The following PSPC1 variants were observed in gnomAD, a reference collection of about 807,000 sequenced individuals.
PSPC1 encodes paraspeckle protein 1.
Under a neutral mutation model 51.6 loss-of-function variants are expected in PSPC1, and 14 were observed. That is an observed-to-expected ratio of 0.27 (90% CI 0.18 to 0.42). PSPC1 has a LOEUF of 0.42. Among genes scored for constraint, PSPC1 ranks in the 10% least tolerant of loss-of-function variants. PSPC1 has a pLI of 1.00. For missense variants in PSPC1, 406 were observed against 701.1 expected (o/e 0.58, Z 4.75); for synonymous variants, 193 against 231.9 (o/e 0.83, Z 1.53).
In PSPC1 at chr13:19,696,521, A is replaced by G. The variant is rs191227031; in HGVS notation, c.1159-18698T>C. Among the ~76,000 whole-genome samples, 187 of 151,662 alleles carry G rather than the reference A, an allele frequency of 1.2e-3. 4 individuals are homozygous for G. The East Asian group carries it at 0.025, about 20-fold the overall frequency. On this transcript the variant is annotated intron_variant and NMD_transcript_variant, in intron 6 of 7. Coordinates refer to the PSPC1 transcript ENST00000471658. ...CACGCACACACACACACACATACGC[A>G]CACACACACACATATCTGACGCTAC...
chr13:19,725,156 G>A (rs1014280449), intron 6 of PSPC1, among the ~76,000 whole-genome samples: 15 of 152,132 alleles, frequency 9.9e-5, no homozygotes, highest in African/African-American at 3.4e-4. Flanking sequence ...CAGCCTAAGC[G>A]ACAGAGCAAG....
At chr13:19,681,570 G>T (rs1176544280) in intron 6 of PSPC1, among the ~76,000 whole-genome samples, 2 of 152,156 alleles carry the variant, frequency 1.3e-5, no homozygotes, top group African/African-American at 2.4e-5. Flanking sequence ...TGCCTAAAAG[G>T]CAAGGATTTC....
intron 2 of PSPC1, among the ~76,000 whole-genome samples, chr13:19,771,074 G>C (rs570098773): frequency 1.3e-5 from 2 of 151,962 alleles, no homozygotes; most frequent in East Asian, 3.9e-4. Flanking sequence ...GGACTACAGC[G>C]CAAATAGCTG....
chr13:19,708,904 T>C (rs949887964), intron 7 of PSPC1, among the ~76,000 whole-genome samples: 35 of 152,102 alleles, frequency 2.3e-4, no homozygotes, highest in African/African-American at 8.4e-4. Context: ...GGCTCATGCC[T>C]GGAATATCAG....
Position 19,782,347 on chromosome 13 carries a change from C to A in PSPC1, c.372+39G>T. 6.5e-7 allele frequency: 1 copy of A among 1,537,404 alleles called. No homozygotes were observed. ...CCCCACGACCCCGCGGCCACCCCGA[C>A]AGTCCTTTTGTTCCCTCGCGCGGGC... On this transcript the variant is annotated intron_variant, in intron 1 of 8. Transcript: ENST00000338910. This position sits in a 1 kb window ranked among gnomAD's most constrained non-coding sequence, Gnocchi z 4.5.
chr13:19,756,202 C>T (rs561321532), intron 3 of PSPC1, among the ~76,000 whole-genome samples: 1 of 152,254 alleles, frequency 6.6e-6, no homozygotes, highest in South Asian at 2.1e-4. Context: ...TGCACCACTG[C>T]ACTCCAGCCT....
chr13:19,761,310 T>C (rs1480490941), intron 2 of PSPC1, among the ~76,000 whole-genome samples: 7 of 151,942 alleles, frequency 4.6e-5, no homozygotes, highest in Non-Finnish European at 8.8e-5. Context: ...TTCAGTAAAA[T>C]AGGAGAAAAG....
downstream of PSPC1, chr13:19,674,664 G>A (rs550304528): frequency 2.0e-5 from 3 of 152,332 alleles, no homozygotes; most frequent in Admixed American, 6.5e-5. Flanking sequence ...GAAAACAGTG[G>A]AGCTCAAGGA....
intron 5 of PSPC1, among the ~76,000 whole-genome samples, chr13:19,731,268 T>C (rs1280825583): frequency 6.6e-6 from 1 of 152,148 alleles, no homozygotes; most frequent in African/African-American, 2.4e-5. Context: ...ATCTATATAG[T>C]AATATTGAAG....
rs1890123590 is a variant in PSPC1 at position 19,782,831 on chromosome 13, C to T, written c.-74G>A. The T allele has an allele frequency of 7.1e-7, 1 of 1,407,186 alleles. No homozygotes were observed. Among genetic ancestry groups the T allele is most frequent in the Non-Finnish European group, 9.2e-7 (1 of 1,083,110 alleles). The allele number at this position is 1,407,186 out of a possible 1,614,324, so 87.2% of individuals were successfully genotyped here. ...AGTGTGTCTATATATATGTATACGT[C>T]TCTACATAAACCTATGCCAACAAAA... On this transcript the variant is annotated 5_prime_UTR_variant, in exon 1 of 9. Transcript: ENST00000338910. This position sits in a 1 kb window ranked among gnomAD's most constrained non-coding sequence, Gnocchi z 4.5.
At chr13:19,773,344 G>A (rs1004159151) in intron 1 of PSPC1, among the ~76,000 whole-genome samples, 1 of 149,876 alleles carries the variant, frequency 6.7e-6, no homozygotes, top group African/African-American at 2.5e-5. Context: ...CTGCCTCCTG[G>A]GTTCAAGAGA....
rs568570202 is a variant in PSPC1, at chr13:19,677,037, A to G, written c.*76+687T>C. Among the ~76,000 whole-genome samples, 1,044 of 152,248 alleles carry G rather than the reference A, an allele frequency of 6.9e-3. 7 individuals carry two copies. Among genetic ancestry groups the G allele is most frequent in the African/African-American group, 0.024 (995 of 41,526 alleles). On this transcript the variant is annotated intron_variant and NMD_transcript_variant, in intron 7 of 7. Coordinates refer to the PSPC1 transcript ENST00000471658. ...ATCACAAAGTCAGGAGATCGAGACC[A>G]TCCTGGCTAACACAGTGAAACCCCG...
chr13:19,766,867 A>G (rs969347512), intron 2 of PSPC1, among the ~76,000 whole-genome samples: 10 of 151,072 alleles, frequency 6.6e-5, no homozygotes, highest in Non-Finnish European at 4.4e-5. Context: ...GGAAAAAAAA[A>G]GAAAAAAAAA....
intron 2 of PSPC1, among the ~76,000 whole-genome samples, chr13:19,762,137 A>G (rs1887654925): frequency 6.6e-6 from 1 of 152,184 alleles, no homozygotes; most frequent in African/African-American, 2.4e-5. Context: ...AGTGCGGGAG[A>G]GGAGAAGTAC....
chr13:19,723,349 G>A (rs939881715), intron 6 of PSPC1, among the ~76,000 whole-genome samples: 1 of 152,124 alleles, frequency 6.6e-6, no homozygotes, highest in African/African-American at 2.4e-5. Context: ...ATGAGATTCA[G>A]TCATCATTTC....
chr13:19,730,143 A>G, intron 6 of PSPC1, 96 bp downstream of exon 6: 1 of 916,464 alleles, frequency 1.1e-6, no homozygotes, highest in Non-Finnish European at 1.7e-6. Context: ...AAAGATTAGA[A>G]AAGACTACTG....
At chr13:19,712,922 C>A (rs779766945) in intron 6 of PSPC1, among the ~76,000 whole-genome samples, 2 of 152,076 alleles carry the variant, frequency 1.3e-5, no homozygotes, top group Non-Finnish European at 2.9e-5. Flanking sequence ...TGTCTTCAGG[C>A]TGTTACTTTC....
chr13:19,728,692 T>G (rs1191420900), intron 6 of PSPC1, among the ~76,000 whole-genome samples: 2 of 152,164 alleles, frequency 1.3e-5, no homozygotes, highest in African/African-American at 4.8e-5. Context: ...CTGTGAAGCT[T>G]GGAACCAAAT....
At chr13:19,721,705 T>C (rs1882786870) in intron 6 of PSPC1, among the ~76,000 whole-genome samples, 1 of 152,170 alleles carries the variant, frequency 6.6e-6, no homozygotes, top group African/African-American at 2.4e-5. Flanking sequence ...CAGCACTATG[T>C]TTTGAATACA....
Sources: allele counts gnomAD v4.1 joint callset (sites outside exome capture counted in the v4.1 genomes callset), GRCh38; gene constraint gnomAD v4.1.1; non-coding constraint Gnocchi (gnomAD v3.1); transcripts MANE v1.5; gene names NCBI Gene and HGNC (gene_info 2026-07-23, HGNC 2026-07-21).